ACTR3B: variants seen among roughly 807,000 people sequenced by gnomAD.
ACTR3B encodes the protein actin related protein 3B.
Under a neutral mutation model 59.0 loss-of-function variants are expected in ACTR3B, and 8 were observed. That is an observed-to-expected ratio of 0.14 (90% CI 0.08 to 0.24). ACTR3B has a LOEUF of 0.24. ACTR3B is among the 10% of genes least tolerant of loss of function. ACTR3B has a pLI of 1.00. For synonymous variants in ACTR3B, 148 were observed against 197.9 expected (o/e 0.75, Z 2.12); for missense variants, 245 against 552.3 (o/e 0.44, Z 5.58).
At chr7:152,761,645 G>A (rs2098089680) in intron 1 of ACTR3B, among the ~76,000 whole-genome samples, 1 of 152,152 alleles carries the variant, frequency 6.6e-6, no homozygotes, top group South Asian at 2.1e-4. Flanking sequence ...AGAAGTTGGT[G>A]TCAAGACTTA....
chr7:152,814,717 A>G (rs1795546738), intron 5 of ACTR3B, 72 bp downstream of exon 5: 1 of 1,288,070 alleles, frequency 7.8e-7, no homozygotes, highest in Non-Finnish European at 1.1e-6. Flanking sequence ...GTATTTCCCA[A>G]GGTTCTCCGC....
intron 1 of ACTR3B, among the ~76,000 whole-genome samples, chr7:152,781,996 G>A (rs1424771127): frequency 6.6e-6 from 1 of 151,564 alleles, no homozygotes; most frequent in Non-Finnish European, 1.5e-5. Context: ...TCCTGTGGAA[G>A]TTGAGCAGCA....
chr7:152,801,482 T>C, intron 3 of ACTR3B, 139 bp from the exon 4 acceptor site: 1 of 947,726 alleles, frequency 1.1e-6, no homozygotes, highest in Non-Finnish European at 1.5e-6. Flanking sequence ...TGCTGTTGTT[T>C]CTTTACAAGA....
intron 9 of ACTR3B, among the ~76,000 whole-genome samples, chr7:152,842,461 A>G (rs1181187928): frequency 1.3e-5 from 2 of 152,132 alleles, no homozygotes; most frequent in African/African-American, 4.8e-5. Flanking sequence ...TTATTTCTGG[A>G]ATTTTCCATT....
At chr7:152,777,737 G>A (rs187476284) in intron 1 of ACTR3B, among the ~76,000 whole-genome samples, 15 of 152,258 alleles carry the variant, frequency 9.9e-5, no homozygotes, top group Middle Eastern at 3.4e-3. Context: ...GATCGCCTGA[G>A]GCCAGGAGTT....
intron 7 of ACTR3B, among the ~76,000 whole-genome samples, chr7:152,822,264 T>C (rs1461758751): frequency 1.3e-5 from 2 of 152,350 alleles, no homozygotes; most frequent in East Asian, 1.9e-4. Context: ...AGAGCGTCTT[T>C]GGAGGTCCTT....
chr7:152,803,494 A>G (rs1227759412), intron 4 of ACTR3B, among the ~76,000 whole-genome samples: 1 of 152,092 alleles, frequency 6.6e-6, no homozygotes, highest in Non-Finnish European at 1.5e-5. Context: ...TACCTGTTGG[A>G]TAGGATTTTA....
At chr7:152,839,368 G>C (rs1376695379) in intron 9 of ACTR3B, among the ~76,000 whole-genome samples, 1 of 139,964 alleles carries the variant, frequency 7.1e-6, no homozygotes, top group African/African-American at 2.9e-5. Context: ...TAGACTGCCA[G>C]GTGTGTGTTC....
chr7:152,852,060 T>G, intron 9 of ACTR3B, 66 bp from the exon 10 acceptor site: 1 of 1,611,338 alleles, frequency 6.2e-7, no homozygotes, highest in African/African-American at 1.3e-5. Flanking sequence ...AGTTCTGTTG[T>G]GGGTGGTTCC....
chr7:152,795,348 CA>C (rs1172643862), intron 2 of ACTR3B, among the ~76,000 whole-genome samples: 2 of 152,168 alleles, frequency 1.3e-5, no homozygotes, highest in African/African-American at 2.4e-5. Flanking sequence ...CTCCTGGCCT[CA>C]AATTCACTCT....
intron 2 of ACTR3B, among the ~76,000 whole-genome samples, chr7:152,795,029 T>TCA (rs1554437800): frequency 1.3e-4 from 14 of 104,010 alleles, no homozygotes; most frequent in Middle Eastern, 4.7e-3. Context: ...GGCTTCAGTT[T>TCA]CACTCTCTTT....
chr7:152,852,877 T>C (rs553790414), intron 10 of ACTR3B, among the ~76,000 whole-genome samples: 18 of 150,830 alleles, frequency 1.2e-4, no homozygotes, highest in Admixed American at 5.3e-4. Context: ...TAGCAAGCTC[T>C]GCCTCCTGGG....
chr7:152,828,353 T>G (rs57206548), intron 9 of ACTR3B, among the ~76,000 whole-genome samples: 15,161 of 152,008 alleles, frequency 0.1, 808 homozygotes, highest in African/African-American at 0.14. Context: ...CCGTCAGCCC[T>G]CCCAGATGGA....
At chr7:152,826,389 GTTGT>G (rs1419862812) in intron 9 of ACTR3B, among the ~76,000 whole-genome samples, 2 of 151,508 alleles carry the variant, frequency 1.3e-5, no homozygotes, top group Non-Finnish European at 2.9e-5. Flanking sequence ...GTGTTTTAAA[GTTGT>G]TTGAAATTTT....
In ACTR3B at chr7:152,820,177, T is replaced by C. The variant is rs1796033490; in HGVS notation, c.541-122T>C. Reference sequence around the variant, plus strand: ...GAGCTTGCAGAGGGTGGGGATTATGTAAATGCTTGTCAGTGCCATGAGGGG... The same window carrying C: ...GAGCTTGCAGAGGGTGGGGATTATGCAAATGCTTGTCAGTGCCATGAGGGG... On this transcript the variant is annotated intron_variant, in intron 6 of 11. Coordinates refer to ENST00000256001, the MANE Select transcript of ACTR3B (RefSeq NM_020445.6). The C allele has an allele frequency of 3.3e-6, 5 of 1,521,668 alleles. No homozygotes were observed. The East Asian group carries it at 1.1e-4, about 35-fold the overall frequency. 94.3% of individuals were successfully genotyped at this position (1,521,668 alleles called of 1,614,324 possible).
rs559065068 is a variant in ACTR3B, at chr7:152,775,541, C to T, written c.45-7646C>T. Among the ~76,000 whole-genome samples the T allele has an allele frequency of 6.6e-5, 10 of 152,114 alleles. No homozygotes were observed. The East Asian group carries it at 1.9e-3, about 29-fold the overall frequency. On this transcript the variant is annotated intron_variant, in intron 1 of 11. Transcript: ENST00000256001. ...TTGGGAGGCCGAGGCGGGCAGATCA[C>T]CTAAGGTCGGGAGTTTGAGAGCAGC...
intron 4 of ACTR3B, chr7:152,811,807 A>G (rs1326367187): frequency 1.3e-5 from 2 of 151,080 alleles, no homozygotes; most frequent in East Asian, 4.0e-4. Flanking sequence ...ATGTCACTAA[A>G]CTTATTCCAG....
At chr7:152,791,806 T>C (rs2098197337) in intron 2 of ACTR3B, among the ~76,000 whole-genome samples, 1 of 152,244 alleles carries the variant, frequency 6.6e-6, no homozygotes, top group South Asian at 2.1e-4. Flanking sequence ...ATCTCCATAA[T>C]ATATGTTCTT....
Position 152,814,659 on chromosome 7 carries a change from C to T in ACTR3B, c.432+14C>T, listed in dbSNP as rs34180751. On this transcript the variant is annotated intron_variant, in intron 5 of 11. Transcript: ENST00000256001. ...ATTGCAGTTCAGGTAAAACCAGTTA[C>T]GTTTGTGATTCCTAAAGCACCTGAG... 322 of 1,602,960 alleles carry T rather than the reference C, an allele frequency of 2.0e-4. No individual in the cohort carries two copies. Among genetic ancestry groups the T allele is most frequent in the East Asian group, 4.0e-4 (18 of 44,738 alleles).
Sources: gnomAD v4.1 joint callset for allele counts (sites outside exome capture counted in the v4.1 genomes callset) on GRCh38, gnomAD v4.1.1 for gene constraint, MANE v1.5 for transcripts, NCBI Gene and HGNC (gene_info 2026-07-23, HGNC 2026-07-21) for gene names.